Variants in KLF8 observed in about 807,000 individuals in gnomAD.
KLF8 encodes Krueppel-like factor 8.
KLF8 carries 10 observed loss-of-function variants against 18.2 expected under a neutral mutation model. The ratio of observed to expected loss-of-function variants is 0.55; its 90% CI spans 0.34 to 0.93. The LOEUF (loss-of-function observed/expected upper bound fraction) is 0.93, where lower values mean the gene tolerates loss of function less well. Among genes scored for constraint, KLF8 ranks in the 40% least tolerant of loss-of-function variants. The probability of loss-of-function intolerance (pLI) is 0.02; values close to 1 mark genes in which losing one functional copy is unlikely to be tolerated. For missense variants in KLF8, 264 were observed against 277.9 expected (o/e 0.95, Z 0.36); for synonymous variants, 109 against 97.3 (o/e 1.12, Z -0.71).
chrX:56,005,336 T>C, the KLF8 span, among the ~76,000 whole-genome samples: 3 of 111,831 alleles, frequency 2.7e-5, no homozygotes, highest in Non-Finnish European at 5.6e-5. Flanking sequence ...TTTATACTCA[T>C]TTGTATGTGC....
chrX:55,962,411 A>T, the KLF8 span: 3 of 234,985 alleles, frequency 1.3e-5, no homozygotes, highest in Non-Finnish European at 2.4e-5. Flanking sequence ...AGATGGCCAC[A>T]TCTCTGTGGC....
At chrX:56,094,222 A>G in the KLF8 span, among the ~76,000 whole-genome samples, 18 of 110,640 alleles carry the variant, frequency 1.6e-4, no homozygotes, top group Admixed American at 4.8e-4. Flanking sequence ...CGAAAAACAG[A>G]CTTTAAATAT....
the KLF8 span, among the ~76,000 whole-genome samples, chrX:56,148,162 T>C: frequency 1.2e-3 from 138 of 111,983 alleles, no homozygotes; most frequent in Middle Eastern, 9.3e-3. Context: ...CCCTCAGAAA[T>C]TAATAATGCA....
the KLF8 span, among the ~76,000 whole-genome samples, chrX:56,054,190 G>A: frequency 9.1e-6 from 1 of 110,411 alleles, no homozygotes; most frequent in Non-Finnish European, 1.9e-5. Context: ...GGAGTGCAGT[G>A]GCATGCTTTC....
the KLF8 span, among the ~76,000 whole-genome samples, chrX:56,062,534 G>A: frequency 2.0e-4 from 22 of 112,060 alleles, no homozygotes; most frequent in African/African-American, 6.8e-4. Flanking sequence ...TGGCTTGTAG[G>A]GTTTCTGCAG....
At chrX:56,138,072 A>G in the KLF8 span, among the ~76,000 whole-genome samples, 24 of 94,318 alleles carry the variant, frequency 2.5e-4, no homozygotes, top group East Asian at 7.7e-3. Flanking sequence ...AAAAACCCTC[A>G]GAGACTATTA....
the KLF8 span, among the ~76,000 whole-genome samples, chrX:56,132,068 C>A: frequency 9.0e-6 from 1 of 111,365 alleles, no homozygotes; most frequent in African/African-American, 3.3e-5. Flanking sequence ...CTGACAGCAC[C>A]AGACAGGTCA....
chrX:56,132,833 A>T, the KLF8 span, among the ~76,000 whole-genome samples: 1 of 111,687 alleles, frequency 9.0e-6, no homozygotes, highest in Non-Finnish European at 1.9e-5. Context: ...AATGGGAGAT[A>T]TTACAACCAG....
chrX:56,222,023 C>A, the KLF8 span, among the ~76,000 whole-genome samples: 1 of 111,081 alleles, frequency 9.0e-6, no homozygotes, highest in Non-Finnish European at 1.9e-5. Flanking sequence ...CACAAAAGTT[C>A]TCCACCTCCC....
chrX:56,156,805 G>C, the KLF8 span, among the ~76,000 whole-genome samples: 2 of 103,192 alleles, frequency 1.9e-5, no homozygotes, highest in Admixed American at 2.2e-4. Flanking sequence ...CTATGAGTGA[G>C]AACATGTGAT....
chrX:56,138,060 A>AAC, the KLF8 span, among the ~76,000 whole-genome samples: 1 of 105,759 alleles, frequency 9.5e-6, no homozygotes, highest in Admixed American at 1.0e-4. Context: ...AAAAAAAAAA[A>AAC]AAAAAACCCT....
At chrX:56,099,127 A>T in the KLF8 span, among the ~76,000 whole-genome samples, 26 of 111,912 alleles carry the variant, frequency 2.3e-4, no homozygotes, top group Non-Finnish European at 4.7e-4. Flanking sequence ...GAGCAAGTTT[A>T]TTAGTGCCAT....
the KLF8 span, among the ~76,000 whole-genome samples, chrX:56,220,438 A>C: frequency 9.0e-6 from 1 of 111,411 alleles, no homozygotes; most frequent in Non-Finnish European, 1.9e-5. Context: ...TAAGATACTG[A>C]AGTTGGTTTG....
In KLF8 at chrX:56,291,508, T is replaced by G. The variant is rs763863386; in HGVS notation, c.*7014T>G. Among the ~76,000 whole-genome samples the G allele has an allele frequency of 8.9e-6, 1 of 112,197 alleles. No homozygotes were observed. Among genetic ancestry groups the G allele is most frequent in the Non-Finnish European group, 1.9e-5 (1 of 53,200 alleles). On this transcript the variant is annotated 3_prime_UTR_variant, in exon 6 of 6. Coordinates refer to ENST00000468660, the MANE Select transcript of KLF8 (RefSeq NM_007250.5). ...TTTAATTATTGTACTTTTTTATTAA[T>G]AAAAAGGTCTTAAACTTCAGAAATC... is the stretch of plus-strand genomic sequence containing the variant.
the KLF8 span, among the ~76,000 whole-genome samples, chrX:56,083,687 C>G: frequency 5.9e-4 from 66 of 112,069 alleles, no homozygotes; most frequent in African/African-American, 2.0e-3. Context: ...CCAGGCCATA[C>G]AGCTGGAGGT....
At chrX:56,056,831 T>TAAAAAA in the KLF8 span, among the ~76,000 whole-genome samples, 16 of 62,686 alleles carry the variant, frequency 2.6e-4, no homozygotes, top group Non-Finnish European at 4.7e-4. Context: ...ATTGCAGGTG[T>TAAAAAA]AAAAAAAAAA....
the KLF8 span, among the ~76,000 whole-genome samples, chrX:56,144,728 G>A: frequency 9.8e-6 from 1 of 102,472 alleles, no homozygotes; most frequent in African/African-American, 3.6e-5. Flanking sequence ...ACTCCAGCCT[G>A]GGTGACACAG....
At chrX:56,243,222 G>A (rs2066571755) in intron 1 of KLF8, 3 of 464,863 alleles carry the variant, frequency 6.5e-6, no homozygotes, top group Admixed American at 2.4e-5. Context: ...GCACTCCTCC[G>A]AGGATATTTG....
the KLF8 span, among the ~76,000 whole-genome samples, chrX:56,043,141 G>T: frequency 9.0e-6 from 1 of 111,018 alleles, no homozygotes; most frequent in Non-Finnish European, 1.9e-5. Flanking sequence ...TTGAATATTG[G>T]CCCCCAATCT....
Sources: gnomAD v4.1 joint callset for allele counts (sites outside exome capture counted in the v4.1 genomes callset) on GRCh38, gnomAD v4.1.1 for gene constraint, MANE v1.5 for transcripts, NCBI Gene and HGNC (gene_info 2026-07-23, HGNC 2026-07-21) for gene names.